The following FGFR2 variants were observed in gnomAD, a reference collection of about 807,000 sequenced individuals.
FGFR2 encodes the protein fibroblast growth factor receptor 2, also known as BEK fibroblast growth factor receptor.
A neutral mutation model predicts 95.9 loss-of-function variants in FGFR2; 19 were observed. The ratio of observed to expected loss-of-function variants is 0.20; its 90% CI spans 0.14 to 0.29. The LOEUF (loss-of-function observed/expected upper bound fraction) is 0.29. Ranked by LOEUF, FGFR2 falls within the 10% of genes least tolerant of loss-of-function variation. The pLI, the probability that FGFR2 is intolerant of heterozygous loss-of-function variation, is 1.00. For synonymous variants in FGFR2, 392 were observed against 393.3 expected (o/e 1.00, Z 0.04); for missense variants, 707 against 1,056.9 (o/e 0.67, Z 4.59).
Position 121,538,631 on chromosome 10 carries a change from A to T in FGFR2, c.709T>A (p.Tyr237Asn), listed in dbSNP as rs2134603654. The T allele has an allele frequency of 6.2e-7, 1 of 1,614,190 alleles. No individual in the cohort carries two copies. Reference protein sequence around the residue: ...GNYTCVVENEYGSINHTYHLD... With the variant: ...GNYTCVVENENGSINHTYHLD... ...TGGTACGTGTGATTGATGGACCCGT[A>T]TTCATTCTCCACTACACAGGTATAA... The change falls in exon 6 of 18, where the codon TAC becomes AAC. Residue 237 changes from tyrosine (Y) to asparagine (N), a missense_variant. Coordinates refer to ENST00000358487, the MANE Select transcript of FGFR2 (RefSeq NM_000141.5).
intron 15 of FGFR2, among the ~76,000 whole-genome samples, chr10:121,486,492 A>G (rs1318165992): frequency 6.6e-6 from 1 of 152,194 alleles, no homozygotes; most frequent in Non-Finnish European, 1.5e-5. Flanking sequence ...GCCAGGCTGG[A>G]GTGCAGTGGC....
At chr10:121,584,150 T>C (rs1861396538) in intron 2 of FGFR2, among the ~76,000 whole-genome samples, 1 of 151,938 alleles carries the variant, frequency 6.6e-6, no homozygotes, top group Non-Finnish European at 1.5e-5. Context: ...GTGCAAATGC[T>C]TGTTCAGCTC....
chr10:121,565,754 AGGAG>A, intron 2 of FGFR2, 50 bp from the exon 3 acceptor site: 1 of 1,611,544 alleles, frequency 6.2e-7, no homozygotes, highest in Non-Finnish European at 8.5e-7. Flanking sequence ...AAGGAGGGAG[AGGAG>A]AGAACGTCCA....
At position 121,491,592 on chromosome 10, in the gene FGFR2, T is replaced by C. The variant is rs11813090; in HGVS notation, c.1864-3479A>G. Among the ~76,000 whole-genome samples, 886 of 152,196 alleles carry C rather than the reference T, an allele frequency of 5.8e-3. 9 individuals carry two copies. Among genetic ancestry groups the C allele is most frequent in the African/African-American group, 0.019 (791 of 41,518 alleles). ...GCTTCACTAAAAAAACTGCTCAGGCTGAGCGTGGTGGCTCACACCTGTTAT... is the reference window on the plus strand; with the variant it reads ...GCTTCACTAAAAAAACTGCTCAGGCCGAGCGTGGTGGCTCACACCTGTTAT... On this transcript the variant is annotated intron_variant, in intron 13 of 17. Coordinates refer to ENST00000358487, the MANE Select transcript of FGFR2 (RefSeq NM_000141.5).
At chr10:121,559,955 C>G (rs530770408) in intron 4 of FGFR2, among the ~76,000 whole-genome samples, 1 of 152,124 alleles carries the variant, frequency 6.6e-6, no homozygotes, top group East Asian at 1.9e-4. Flanking sequence ...GGCAGGTAGC[C>G]GACAACCAGG....
intron 2 of FGFR2, among the ~76,000 whole-genome samples, chr10:121,580,764 C>T (rs1860728124): frequency 6.6e-6 from 1 of 152,238 alleles, no homozygotes; most frequent in Non-Finnish European, 1.5e-5. Context: ...GAGCCGGCGC[C>T]ATCACAGTTA....
intron 13 of FGFR2, among the ~76,000 whole-genome samples, chr10:121,489,985 A>G (rs1478141739): frequency 6.6e-6 from 1 of 152,168 alleles, no homozygotes; most frequent in Non-Finnish European, 1.5e-5. Context: ...ATGCCCGTCT[A>G]TCCACGTTCT....
At chr10:121,566,024 T>G in intron 2 of FGFR2, 1 of 445,736 alleles carries the variant, frequency 2.2e-6, no homozygotes, top group South Asian at 2.3e-5. Context: ...GTGCTTGCAC[T>G]GTAATACCTG....
At chr10:121,505,675 G>A (rs976476116) in intron 9 of FGFR2, among the ~76,000 whole-genome samples, 1 of 152,152 alleles carries the variant, frequency 6.6e-6, no homozygotes, top group African/African-American at 2.4e-5. Flanking sequence ...GGATGAAACA[G>A]ACAACTTTAA....
chr10:121,494,867 T>C (rs994842873), intron 13 of FGFR2, among the ~76,000 whole-genome samples: 1 of 152,140 alleles, frequency 6.6e-6, no homozygotes, highest in Non-Finnish European at 1.5e-5. Context: ...TCAACACTGA[T>C]ACAGAAATAT....
At chr10:121,541,010 T>C (rs112530920) in intron 5 of FGFR2, among the ~76,000 whole-genome samples, 2 of 152,166 alleles carry the variant, frequency 1.3e-5, no homozygotes, top group Non-Finnish European at 2.9e-5. Flanking sequence ...GGGGATATGG[T>C]CAGCTCAAGT....
Position 121,479,258 on chromosome 10 carries a change from T to C in FGFR2, c.*599A>G, listed in dbSNP as rs986446344. On this transcript the variant is annotated 3_prime_UTR_variant, in exon 18 of 18. Transcript: ENST00000358487. Reference sequence around the variant, plus strand: ...CCAATTTATTAATAAATTAACGTTATACCATTTTCCCTGAAAGCAAAAGTA... The same window carrying C: ...CCAATTTATTAATAAATTAACGTTACACCATTTTCCCTGAAAGCAAAAGTA... The C allele has an allele frequency of 2.1e-5, 5 of 238,228 alleles. No homozygotes were observed. Among genetic ancestry groups the C allele is most frequent in the Non-Finnish European group, 4.1e-5 (5 of 121,798 alleles). 14.8% of individuals were successfully genotyped at this position (238,228 alleles called of 1,614,324 possible). A position where few individuals can be genotyped will look rare whatever the true frequency, so the allele number is the denominator to read the frequency against.
At chr10:121,564,996 A>G (rs1247072819) in intron 3 of FGFR2, among the ~76,000 whole-genome samples, 1 of 152,154 alleles carries the variant, frequency 6.6e-6, no homozygotes, top group Non-Finnish European at 1.5e-5. Context: ...GGCCCTTCTC[A>G]TCGTCAACTA....
At chr10:121,524,129 C>CACAA (rs1850967154) in intron 6 of FGFR2, among the ~76,000 whole-genome samples, 1 of 149,094 alleles carries the variant, frequency 6.7e-6, no homozygotes. Flanking sequence ...CACACACACA[C>CACAA]ACACACACAC....
intron 5 of FGFR2, among the ~76,000 whole-genome samples, chr10:121,541,678 C>T (rs780721441): frequency 1.5e-4 from 23 of 152,220 alleles, no homozygotes; most frequent in Admixed American, 3.9e-4. Flanking sequence ...ACCTCATTAA[C>T]GATCCGGGAA....
chr10:121,576,577 C>G (rs1272214846), intron 2 of FGFR2, among the ~76,000 whole-genome samples: 2 of 152,140 alleles, frequency 1.3e-5, no homozygotes, highest in East Asian at 3.9e-4. Flanking sequence ...AAGAGTGGCC[C>G]TACAGAGTTG....
At chr10:121,481,656 C>T (rs757173963) in intron 17 of FGFR2, among the ~76,000 whole-genome samples, 13 of 152,072 alleles carry the variant, frequency 8.5e-5, no homozygotes, top group Admixed American at 3.9e-4. Context: ...AAAGAAACTT[C>T]GATTTTTATA....
chr10:121,506,085 C>T (rs887893367), intron 9 of FGFR2, among the ~76,000 whole-genome samples: 1 of 152,122 alleles, frequency 6.6e-6, no homozygotes, highest in East Asian at 1.9e-4. Flanking sequence ...CGGCCAGGCG[C>T]GGTGGCTCAC....
intron 2 of FGFR2, among the ~76,000 whole-genome samples, chr10:121,588,695 T>TGGAAGATCACTTGAG (rs45631540): frequency 6.6e-6 from 1 of 151,930 alleles, no homozygotes; most frequent in African/African-American, 2.4e-5. Flanking sequence ...AGGCCAAGGC[T>TGGAAGATCACTTGAG]GCCAGGAGTT....
Sources: allele counts gnomAD v4.1 joint callset (sites outside exome capture counted in the v4.1 genomes callset), GRCh38; gene constraint gnomAD v4.1.1; transcripts MANE v1.5; gene names NCBI Gene and HGNC (gene_info 2026-07-23, HGNC 2026-07-21).